Variants in CRPPA observed in about 807,000 individuals in gnomAD.
CRPPA encodes D-ribitol-5-phosphate cytidylyltransferase.
Under a neutral mutation model 52.0 loss-of-function variants are expected in CRPPA, and 43 were observed. The ratio of observed to expected loss-of-function variants is 0.83; its 90% CI spans 0.65 to 1.07. The LOEUF (loss-of-function observed/expected upper bound fraction) is 1.07, where lower values mean the gene tolerates loss of function less well. Ranked by LOEUF, CRPPA falls within the 50% of genes least tolerant of loss-of-function variation. The pLI is 0.00. For missense variants in CRPPA, 629 were observed against 551.7 expected, an observed-to-expected ratio of 1.14 and a Z score of -1.40; for synonymous variants, 250 against 203.5, an observed-to-expected ratio of 1.23 and a Z score of -1.94.
chr7:16,350,716 C>G (rs1235992650), intron 3 of CRPPA, among the ~76,000 whole-genome samples: 1 of 151,996 alleles, frequency 6.6e-6, no homozygotes, highest in Non-Finnish European at 1.5e-5. Flanking sequence ...GTAAAACAAC[C>G]AAAAACCAAT....
chr7:16,226,743 A>G (rs1189895178), intron 8 of CRPPA, among the ~76,000 whole-genome samples: 2 of 151,962 alleles, frequency 1.3e-5, no homozygotes, highest in Admixed American at 6.6e-5. Flanking sequence ...TCTGAAGCAT[A>G]CATTAGTTAT....
intron 9 of CRPPA, among the ~76,000 whole-genome samples, chr7:16,129,553 T>C (rs1782644127): frequency 6.6e-6 from 1 of 152,144 alleles, no homozygotes; most frequent in African/African-American, 2.4e-5. Flanking sequence ...TGAAGCTTTA[T>C]GCCACAATAC....
At chr7:16,413,133 A>C (rs927034809) in intron 1 of CRPPA, among the ~76,000 whole-genome samples, 2 of 152,130 alleles carry the variant, frequency 1.3e-5, no homozygotes, top group African/African-American at 4.8e-5. Flanking sequence ...TGTACTATGG[A>C]CATAATTCAT....
chr7:16,230,598 A>T (rs954777784), intron 8 of CRPPA, among the ~76,000 whole-genome samples: 10 of 152,016 alleles, frequency 6.6e-5, no homozygotes, highest in Admixed American at 3.9e-4. Flanking sequence ...GCTTCCTTAA[A>T]GTTTTGAATT....
In CRPPA at chr7:16,421,279, C is replaced by T; in HGVS notation, c.44G>A (p.Gly15Asp). 3 of 1,280,118 alleles carry T rather than the reference C, an allele frequency of 2.3e-6. No homozygotes were observed. Among genetic ancestry groups the T allele is most frequent in the South Asian group, 5.7e-5 (2 of 34,900 alleles). 79.3% of individuals were successfully genotyped at this position (1,280,118 alleles called of 1,614,324 possible). The change falls in exon 1 of 10, where the codon GGT becomes GAT. Residue 15 changes from glycine to aspartate, a missense_variant. Gly to Asp is a moderately conservative substitution (Grantham distance 94). Coordinates refer to ENST00000407010, the MANE Select transcript of CRPPA (RefSeq NM_001101426.4). ...GCCGCGCTGACCACTCAGGCAAGGA[C>T]CCGGCTCCGCCGGCCTGGCGCTGCC... ...PPGSARPAEP[G>D]PCLSGQRGAD...
chr7:16,396,941 CTG>C (rs1426080024), intron 2 of CRPPA, among the ~76,000 whole-genome samples: 35 of 152,326 alleles, frequency 2.3e-4, no homozygotes, highest in African/African-American at 8.2e-4. Context: ...GAAAAAACAA[CTG>C]TGACATGTGA....
At chr7:16,154,808 T>C (rs1193491058) in intron 9 of CRPPA, among the ~76,000 whole-genome samples, 1 of 150,028 alleles carries the variant, frequency 6.7e-6, no homozygotes, top group Non-Finnish European at 1.5e-5. Context: ...TCAAGATGGG[T>C]CTTTTTTTTT....
At chr7:16,151,736 G>T (rs1458397486) in intron 9 of CRPPA, among the ~76,000 whole-genome samples, 1 of 151,676 alleles carries the variant, frequency 6.6e-6, no homozygotes, top group African/African-American at 2.4e-5. Flanking sequence ...TGATCTTCTA[G>T]TTTACCATAT....
At chr7:16,378,373 T>A (rs1286483173) in intron 2 of CRPPA, among the ~76,000 whole-genome samples, 1 of 150,658 alleles carries the variant, frequency 6.6e-6, no homozygotes, top group Non-Finnish European at 1.5e-5. Context: ...TGGTTTTTTG[T>A]ACTTGCGATA....
chr7:16,416,339 C>A (rs1411216207), intron 1 of CRPPA, among the ~76,000 whole-genome samples: 1 of 152,044 alleles, frequency 6.6e-6, no homozygotes, highest in African/African-American at 2.4e-5. Context: ...AAACTGGACC[C>A]CTACCTCTCA....
chr7:16,342,798 T>TATATATATATATAGATATATAGATATA lies in CRPPA; in HGVS notation c.684+33293_684+33294insTATATCTATATATCTATATATATATAT, dbSNP rs1491461185. ...AAAAAAAAAAATATATATATATATA[T>TATATATATATATAGATATATAGATATA]CTATATAGATATATAGATATACATA... On this transcript the variant is annotated intron_variant, in intron 3 of 9. Coordinates refer to ENST00000407010, the MANE Select transcript of CRPPA (RefSeq NM_001101426.4). 3.2e-3 allele frequency among the ~76,000 whole-genome samples: 325 copies of TATATATATATATAGATATATAGATATA among 101,104 alleles called. 21 individuals are homozygous for TATATATATATATAGATATATAGATATA. Among genetic ancestry groups the TATATATATATATAGATATATAGATATA allele is most frequent in the Middle Eastern group, 4.5e-3 (1 of 222 alleles). The allele number at this position is 101,104 out of a possible 152,430, so 66.3% of individuals were successfully genotyped here. A position where few individuals can be genotyped will look rare whatever the true frequency, so the allele number is the denominator to read the frequency against.
intron 3 of CRPPA, among the ~76,000 whole-genome samples, chr7:16,332,634 G>A (rs1050013514): frequency 1.3e-5 from 2 of 152,060 alleles, no homozygotes; most frequent in Non-Finnish European, 2.9e-5. Context: ...CTGAAAGAAT[G>A]TAATGGGGGA....
At chr7:16,354,896 C>T (rs756391013) in intron 3 of CRPPA, among the ~76,000 whole-genome samples, 2 of 152,032 alleles carry the variant, frequency 1.3e-5, no homozygotes, top group Non-Finnish European at 2.9e-5. Flanking sequence ...TAAAACTAAA[C>T]AGCAAAGTTA....
intron 3 of CRPPA, among the ~76,000 whole-genome samples, chr7:16,309,520 G>C (rs1784989772): frequency 6.6e-6 from 1 of 152,154 alleles, no homozygotes; most frequent in Non-Finnish European, 1.5e-5. Flanking sequence ...TCCAACAGCA[G>C]AATAAAATTG....
intron 9 of CRPPA, among the ~76,000 whole-genome samples, chr7:16,196,507 G>A (rs928939216): frequency 3.9e-5 from 6 of 152,096 alleles, no homozygotes; most frequent in Admixed American, 2.0e-4. Flanking sequence ...GGTTATCTTC[G>A]GCTAGGATGA....
chr7:16,367,039 T>G (rs1351538604), intron 3 of CRPPA, among the ~76,000 whole-genome samples: 1 of 152,232 alleles, frequency 6.6e-6, no homozygotes, highest in Admixed American at 6.5e-5. Context: ...CAGCTCTTTC[T>G]GACTCAAAGC....
At chr7:16,371,551 A>C (rs565311513) in intron 3 of CRPPA, among the ~76,000 whole-genome samples, 1 of 152,224 alleles carries the variant, frequency 6.6e-6, no homozygotes, top group South Asian at 2.1e-4. Flanking sequence ...AAAAAAACCC[A>C]CAGTCCAATC....
intron 9 of CRPPA, among the ~76,000 whole-genome samples, chr7:16,121,880 A>G (rs1449333105): frequency 3.9e-5 from 6 of 152,114 alleles, no homozygotes; most frequent in African/African-American, 1.4e-4. Context: ...GATCCCTGGC[A>G]GGATCTGTTT....
At chr7:16,175,157 C>A (rs1781269775) in intron 9 of CRPPA, among the ~76,000 whole-genome samples, 1 of 152,112 alleles carries the variant, frequency 6.6e-6, no homozygotes, top group African/African-American at 2.4e-5. Flanking sequence ...TGCACATATA[C>A]ATAAAGTTTT....
Sources: allele counts gnomAD v4.1 joint callset (sites outside exome capture counted in the v4.1 genomes callset), GRCh38; gene constraint gnomAD v4.1.1; transcripts MANE v1.5; gene names NCBI Gene and HGNC (gene_info 2026-07-23, HGNC 2026-07-21).